Variants in RNF38 observed in about 807,000 individuals in gnomAD.
The protein encoded by RNF38 is E3 ubiquitin-protein ligase RNF38.
Under a neutral mutation model 67.2 loss-of-function variants are expected in RNF38, and 15 were observed. That is an observed-to-expected ratio of 0.22 (90% CI 0.15 to 0.34). RNF38 has a LOEUF of 0.34. RNF38 is among the 10% of genes least tolerant of loss of function. RNF38 has a pLI of 1.00. For synonymous variants in RNF38, 220 were observed against 218.8 expected, an observed-to-expected ratio of 1.01 and a Z score of -0.05; for missense variants, 524 against 639.9, an observed-to-expected ratio of 0.82 and a Z score of 1.95.
Position 36,387,750 on chromosome 9 carries a change from C to T in RNF38, c.162+2717G>A, listed in dbSNP as rs73648747. 3.8e-3 allele frequency among the ~76,000 whole-genome samples: 573 copies of T among 152,290 alleles called. 3 individuals carry two copies. Among genetic ancestry groups the T allele is most frequent in the African/African-American group, 0.013 (549 of 41,560 alleles). The stretch of plus-strand genomic sequence containing the variant: ...TGCAAATGAGCCTACACTTACACCT[C>T]TTCTGTGGGCAATGAGTACACAAAG... On this transcript the variant is annotated intron_variant, in intron 2 of 11. Coordinates refer to ENST00000259605, the MANE Select transcript of RNF38 (RefSeq NM_022781.5).
chr9:36,339,622 G>C lies in RNF38; in HGVS notation c.*130C>G, dbSNP rs1832697074. 2 of 690,474 alleles carry C rather than the reference G, an allele frequency of 2.9e-6. No homozygotes were observed. The highest frequency in any genetic ancestry group is 5.2e-6 in the Non-Finnish European group (2 of 381,808). 42.8% of individuals were successfully genotyped at this position (690,474 alleles called of 1,614,324 possible). On this transcript the variant is annotated 3_prime_UTR_variant, in exon 12 of 12. Coordinates refer to ENST00000259605, the MANE Select transcript of RNF38 (RefSeq NM_022781.5). ...CTTTTATAGTTGATTAAGTCACACA[G>C]TGCAAAGAAAGGTCCATTGACCCTT...
Position 36,385,381 on chromosome 9 carries a change from T to C in RNF38, c.162+5086A>G, listed in dbSNP as rs1408216670. Among the ~76,000 whole-genome samples, 3 of 71,868 alleles carry C rather than the reference T, an allele frequency of 4.2e-5. No individual in the cohort carries two copies. The East Asian group carries it at 1.1e-3, about 26-fold the overall frequency. 47.1% of individuals were successfully genotyped at this position (71,868 alleles called of 152,430 possible). ...TGCTGCTGGTCTGATCCACTACAGC[T>C]TTTTTTTTTTTTTTTGGAGACAGTT... On this transcript the variant is annotated intron_variant, in intron 2 of 11. Coordinates refer to ENST00000259605, the MANE Select transcript of RNF38 (RefSeq NM_022781.5).
At chr9:36,389,766 C>T (rs990767665) in intron 2 of RNF38, among the ~76,000 whole-genome samples, 15 of 152,166 alleles carry the variant, frequency 9.9e-5, no homozygotes, top group African/African-American at 3.4e-4. Context: ...TATTTCACTA[C>T]CTCAGGTTTA....
intron 1 of RNF38, among the ~76,000 whole-genome samples, chr9:36,433,547 C>T (rs1044638525): frequency 5.3e-5 from 8 of 151,910 alleles, no homozygotes; most frequent in African/African-American, 1.9e-4. Flanking sequence ...CGAGATCAGG[C>T]ATCGTGGTGG....
intron 1 of RNF38, among the ~76,000 whole-genome samples, chr9:36,432,169 C>T (rs1182529228): frequency 6.6e-6 from 1 of 151,600 alleles, no homozygotes; most frequent in African/African-American, 2.4e-5. Flanking sequence ...GAGTCTCACT[C>T]TATTGCACAG....
chr9:36,402,857 T>A (rs1838087770), upstream of RNF38, among the ~76,000 whole-genome samples: 2 of 152,200 alleles, frequency 1.3e-5, no homozygotes, highest in Non-Finnish European at 2.9e-5. Flanking sequence ...CTTCTTTTTT[T>A]ATTTTTTTTG....
At chr9:36,440,706 A>C (rs1839173485) in intron 1 of RNF38, among the ~76,000 whole-genome samples, 1 of 152,232 alleles carries the variant, frequency 6.6e-6, no homozygotes, top group African/African-American at 2.4e-5. Context: ...TATCCTTGAA[A>C]AGGACAATGG....
intron 1 of RNF38, among the ~76,000 whole-genome samples, chr9:36,473,823 A>G (rs1007239273): frequency 1.3e-5 from 2 of 150,092 alleles, no homozygotes; most frequent in Non-Finnish European, 3.0e-5. Flanking sequence ...CGTCTCTACT[A>G]AAAATACAAA....
At chr9:36,366,900 C>T (rs1360043801) in intron 4 of RNF38, among the ~76,000 whole-genome samples, 1 of 152,114 alleles carries the variant, frequency 6.6e-6, no homozygotes, top group East Asian at 1.9e-4. Context: ...TTCCTTCTTT[C>T]AGGGAGAAAT....
chr9:36,473,256 T>C (rs1414743215), intron 1 of RNF38, among the ~76,000 whole-genome samples: 2 of 147,088 alleles, frequency 1.4e-5, no homozygotes, highest in Non-Finnish European at 3.0e-5. Context: ...AACCCAGGAG[T>C]TCAAGTCCAG....
chr9:36,367,103 G>GA (rs1351566487), intron 4 of RNF38, among the ~76,000 whole-genome samples: 2 of 152,144 alleles, frequency 1.3e-5, no homozygotes, highest in Non-Finnish European at 2.9e-5. Context: ...CTCCTATATA[G>GA]AAAGTGACTC....
upstream of RNF38, among the ~76,000 whole-genome samples, chr9:36,404,410 C>G (rs1403780035): frequency 1.3e-5 from 2 of 151,920 alleles, no homozygotes; most frequent in East Asian, 3.8e-4. Context: ...TTTAAATTTC[C>G]ATAGGAATTT....
At chr9:36,379,179 C>T (rs750334811) in intron 2 of RNF38, among the ~76,000 whole-genome samples, 11 of 152,120 alleles carry the variant, frequency 7.2e-5, no homozygotes, top group Admixed American at 2.6e-4. Context: ...GGATTACAGG[C>T]GTGAGCCACT....
At chr9:36,362,374 A>AG (rs1319377997) in intron 4 of RNF38, among the ~76,000 whole-genome samples, 1 of 151,918 alleles carries the variant, frequency 6.6e-6, no homozygotes, top group Non-Finnish European at 1.5e-5. Context: ...AGGGGGGAGA[A>AG]GGAGTTTCAT....
upstream of RNF38, among the ~76,000 whole-genome samples, chr9:36,405,716 A>T (rs1042948159): frequency 6.6e-6 from 1 of 151,756 alleles, no homozygotes; most frequent in Non-Finnish European, 1.5e-5. Context: ...AACTAAGGCA[A>T]AACAACTGTA....
At chr9:36,487,409 C>CGGG in exon 1 of RNF38, 1 of 981,682 alleles carries the variant, frequency 1.0e-6, no homozygotes, top group Non-Finnish European at 1.2e-6. Flanking sequence ...GGGCTCCGGC[C>CGGG]GGGGCGGCGG....
At chr9:36,366,837 A>C (rs1180456909) in intron 4 of RNF38, among the ~76,000 whole-genome samples, 1 of 152,124 alleles carries the variant, frequency 6.6e-6, no homozygotes, top group African/African-American at 2.4e-5. Context: ...AACTTTGTTT[A>C]TTGCTCGCTG....
chr9:36,473,245 G>A (rs1840039112), intron 1 of RNF38, among the ~76,000 whole-genome samples: 4 of 151,394 alleles, frequency 2.6e-5, no homozygotes, highest in Admixed American at 2.6e-4. Context: ...AGGATCACTT[G>A]AACCCAGGAG....
intron 2 of RNF38, among the ~76,000 whole-genome samples, chr9:36,421,450 G>T (rs1268325898): frequency 3.9e-5 from 6 of 151,900 alleles, no homozygotes. Flanking sequence ...GATCACTTGA[G>T]GTCAGGAGTT....
Sources: allele counts gnomAD v4.1 joint callset (sites outside exome capture counted in the v4.1 genomes callset), GRCh38; gene constraint gnomAD v4.1.1; transcripts MANE v1.5; gene names NCBI Gene and HGNC (gene_info 2026-07-23, HGNC 2026-07-21).